Variants in CERKL observed in about 807,000 individuals in gnomAD.
The protein encoded by CERKL is CERK like autophagy regulator, also known as ceramide kinase-like protein.
In CERKL, 61 loss-of-function variants were observed where a neutral mutation model predicts 63.4. The ratio of observed to expected loss-of-function variants is 0.96; its 90% CI spans 0.78 to 1.19. CERKL has a LOEUF of 1.19. Among genes scored for constraint, CERKL ranks in the 50% most tolerant of loss-of-function variants. CERKL has a pLI of 0.00. For missense variants in CERKL, 675 were observed against 655.5 expected, an observed-to-expected ratio of 1.03 and a Z score of -0.33; for synonymous variants, 250 against 230.5, an observed-to-expected ratio of 1.08 and a Z score of -0.77.
intron 1 of CERKL, among the ~76,000 whole-genome samples, chr2:181,627,491 A>G (rs545254646): frequency 8.6e-4 from 131 of 152,330 alleles, no homozygotes; most frequent in Non-Finnish European, 1.7e-3. Flanking sequence ...ATCTTTTCCC[A>G]AACATTTTGG....
chr2:181,586,465 A>G (rs1053585460), intron 2 of CERKL, among the ~76,000 whole-genome samples: 1 of 152,196 alleles, frequency 6.6e-6, no homozygotes, highest in Non-Finnish European at 1.5e-5. Context: ...ATGAATTTCA[A>G]AGTGGTAATT....
intron 1 of CERKL, among the ~76,000 whole-genome samples, chr2:181,635,000 G>A (rs966120475): frequency 6.6e-6 from 1 of 152,122 alleles, no homozygotes; most frequent in Non-Finnish European, 1.5e-5. Context: ...AAAAGTAAAG[G>A]CCAAAAGGCA....
chr2:181,558,683 A>C lies in CERKL; in HGVS notation c.703T>G (p.Ser235Ala). The C allele has an allele frequency of 1.2e-6, 2 of 1,613,730 alleles. No homozygotes were observed. Among genetic ancestry groups the C allele is most frequent in the Non-Finnish European group, 1.7e-6 (2 of 1,179,802 alleles). Residue 235 changes from serine (S) to alanine (A), a missense_variant, in exon 5 of 13, where the codon TCT becomes GCT. Transcript: ENST00000410087. The surrounding 1 kb of genome is among the most constrained non-coding windows in gnomAD (Gnocchi z 4.2). ...DGVVCVGGDG[S>A]ASEVAHALLL... ...AAAGCATGGGCTACTTCGCTAGCAG[A>C]TCCATCTCCACCAACACAGACAACA...
chr2:181,557,577 C>T (rs1282073765), intron 5 of CERKL, among the ~76,000 whole-genome samples: 1 of 152,048 alleles, frequency 6.6e-6, no homozygotes, highest in African/African-American at 2.4e-5. Context: ...AACGGTTCTC[C>T]GTGTCTCTGA....
At chr2:181,630,036 T>A (rs1686885807) in intron 1 of CERKL, among the ~76,000 whole-genome samples, 1 of 150,660 alleles carries the variant, frequency 6.6e-6, no homozygotes, top group Admixed American at 6.6e-5. Flanking sequence ...AAAACCCACT[T>A]TTTTTTTTCT....
At chr2:181,616,416 G>T (rs1027179012) in intron 1 of CERKL, among the ~76,000 whole-genome samples, 1 of 151,886 alleles carries the variant, frequency 6.6e-6, no homozygotes, top group Non-Finnish European at 1.5e-5. Flanking sequence ...GTTTCACTGT[G>T]TTAGCCAGGA....
intron 1 of CERKL, among the ~76,000 whole-genome samples, chr2:181,618,722 T>C (rs2105914569): frequency 6.6e-6 from 1 of 152,344 alleles, no homozygotes; most frequent in Admixed American, 6.5e-5. Flanking sequence ...TTTTGGTTAT[T>C]TTTAAATAGT....
intron 11 of CERKL, among the ~76,000 whole-genome samples, chr2:181,541,350 G>A (rs1687495052): frequency 6.6e-6 from 1 of 152,160 alleles, no homozygotes; most frequent in South Asian, 2.1e-4. Context: ...CTAGCCTCCA[G>A]AACCATGAAA....
At chr2:181,560,803 A>T (rs1476825996) in intron 4 of CERKL, among the ~76,000 whole-genome samples, 1 of 152,174 alleles carries the variant, frequency 6.6e-6, no homozygotes, top group African/African-American at 2.4e-5. Flanking sequence ...TGAGAATCTT[A>T]TTATTTTGAA....
At chr2:181,655,490 C>T (rs1259827346) in intron 1 of CERKL, among the ~76,000 whole-genome samples, 8 of 152,354 alleles carry the variant, frequency 5.3e-5, no homozygotes, top group Non-Finnish European at 1.0e-4. Flanking sequence ...TAGCTTTTAA[C>T]TTAAAAGGTT....
intron 1 of CERKL, among the ~76,000 whole-genome samples, chr2:181,610,570 CTG>C (rs1456897445): frequency 6.6e-6 from 1 of 152,142 alleles, no homozygotes; most frequent in Non-Finnish European, 1.5e-5. Context: ...AGTGAAATCT[CTG>C]TATTCTGGTC....
intron 2 of CERKL, among the ~76,000 whole-genome samples, chr2:181,579,940 C>A (rs1184111438): frequency 6.6e-6 from 1 of 151,864 alleles, no homozygotes; most frequent in Non-Finnish European, 1.5e-5. Context: ...ATCCACTGAT[C>A]TATTCATATG....
chr2:181,569,859 C>T (rs1019382496), intron 3 of CERKL, among the ~76,000 whole-genome samples: 1 of 152,204 alleles, frequency 6.6e-6, no homozygotes, highest in Non-Finnish European at 1.5e-5. Flanking sequence ...AACTCTAGTA[C>T]ATAAAAATTA....
intron 1 of CERKL, among the ~76,000 whole-genome samples, chr2:181,645,352 T>C (rs1481484143): frequency 1.3e-5 from 2 of 152,182 alleles, no homozygotes; most frequent in African/African-American, 2.4e-5. Context: ...ATAAATATTA[T>C]CTATATGCCA....
chr2:181,559,408 G>A (rs1184197235), intron 4 of CERKL, among the ~76,000 whole-genome samples: 1 of 152,118 alleles, frequency 6.6e-6, no homozygotes, highest in Non-Finnish European at 1.5e-5. Context: ...TTCAAAAGAA[G>A]CAAAATATTC....
At chr2:181,649,177 G>A (rs553981429) in intron 1 of CERKL, among the ~76,000 whole-genome samples, 6 of 152,272 alleles carry the variant, frequency 3.9e-5, no homozygotes, top group Admixed American at 1.3e-4. Context: ...TTACCTCACC[G>A]TTAAAGACAG....
In CERKL at chr2:181,558,859, G is replaced by C. The variant is rs978143358; in HGVS notation, c.678-151C>G. The C allele has an allele frequency of 8.0e-6, 6 of 753,502 alleles. No individual in the cohort carries two copies. Among genetic ancestry groups the C allele is most frequent in the African/African-American group, 7.0e-5 (4 of 57,552 alleles). 46.7% of individuals were successfully genotyped at this position (753,502 alleles called of 1,614,324 possible). On this transcript the variant is annotated intron_variant, in intron 4 of 12. Transcript: ENST00000410087. This position sits in a 1 kb window ranked among gnomAD's most constrained non-coding sequence, Gnocchi z 4.2. ...TTAAACATGTTAATATGTGTCAATGGGTAAGACAACACAAACACAACACAG... is the reference window on the plus strand; with the variant it reads ...TTAAACATGTTAATATGTGTCAATGCGTAAGACAACACAAACACAACACAG...
At chr2:181,599,501 C>A (rs1042288692) in intron 2 of CERKL, among the ~76,000 whole-genome samples, 1 of 151,818 alleles carries the variant, frequency 6.6e-6, no homozygotes, top group South Asian at 2.1e-4. Context: ...CATGCCACTG[C>A]ACTCCAGCCT....
intron 1 of CERKL, among the ~76,000 whole-genome samples, chr2:181,655,972 C>CTTTATATTTTATAT (rs1688136086): frequency 2.0e-5 from 3 of 152,122 alleles, no homozygotes; most frequent in Non-Finnish European, 4.4e-5. Flanking sequence ...GCAAAATGGT[C>CTTTATATTTTATAT]TTTATAAAAT....
Sources: allele counts gnomAD v4.1 joint callset (sites outside exome capture counted in the v4.1 genomes callset), GRCh38; gene constraint gnomAD v4.1.1; non-coding constraint Gnocchi (gnomAD v3.1); transcripts MANE v1.5; gene names NCBI Gene and HGNC (gene_info 2026-07-23, HGNC 2026-07-21).